The following PTPRD variants were observed in gnomAD, a reference collection of about 807,000 sequenced individuals.
PTPRD encodes protein tyrosine phosphatase receptor type D, also known as receptor-type tyrosine-protein phosphatase delta.
PTPRD carries 34 observed loss-of-function variants against 214.5 expected under a neutral mutation model. The ratio of observed to expected loss-of-function variants is 0.16; its 90% CI spans 0.12 to 0.21. The LOEUF (loss-of-function observed/expected upper bound fraction) is 0.21. Among genes scored for constraint, PTPRD ranks in the 10% least tolerant of loss-of-function variants. The pLI is 1.00. For synonymous variants in PTPRD, 1,128 were observed against 845.7 expected (o/e 1.33, Z -5.79); for missense variants, 2,545 against 2,398.7 (o/e 1.06, Z -1.27).
At chr9:9,085,558 C>CTA (rs2099765871) in intron 10 of PTPRD, among the ~76,000 whole-genome samples, 1 of 151,910 alleles carries the variant, frequency 6.6e-6, no homozygotes, top group Admixed American at 6.6e-5. Context: ...TTTTTTCCCT[C>CTA]TTATAAATAG....
chr9:8,429,322 G>A (rs1292223902), intron 35 of PTPRD, among the ~76,000 whole-genome samples: 1 of 151,822 alleles, frequency 6.6e-6, no homozygotes, highest in Non-Finnish European at 1.5e-5. Flanking sequence ...TGTGACCTTG[G>A]GTAAGTCACT....
intron 12 of PTPRD, among the ~76,000 whole-genome samples, chr9:8,718,779 C>T (rs866721922): frequency 2.4e-4 from 37 of 152,272 alleles, no homozygotes; most frequent in African/African-American, 2.6e-4. Flanking sequence ...AATTTTCCCA[C>T]GTGAGCCAGG....
intron 14 of PTPRD, among the ~76,000 whole-genome samples, chr9:8,581,809 G>T (rs1469116518): frequency 6.7e-6 from 1 of 148,818 alleles, no homozygotes; most frequent in Non-Finnish European, 1.5e-5. Context: ...GTGAGGGGAG[G>T]GAAGGGCCCG....
intron 27 of PTPRD, among the ~76,000 whole-genome samples, chr9:8,490,430 T>C (rs141115132): frequency 5.9e-5 from 9 of 152,304 alleles, no homozygotes; most frequent in Admixed American, 5.9e-4. Context: ...TTTAAACTAG[T>C]ACCAACGCAA....
intron 12 of PTPRD, among the ~76,000 whole-genome samples, chr9:8,703,067 G>C (rs996365506): frequency 6.6e-6 from 1 of 152,098 alleles, no homozygotes; most frequent in African/African-American, 2.4e-5. Flanking sequence ...ACCATAAAAG[G>C]GTTCCATCAA....
intron 2 of PTPRD, among the ~76,000 whole-genome samples, chr9:10,586,876 T>G (rs1341202): frequency 0.18 from 26,620 of 151,856 alleles, 2,682 homozygotes; most frequent in South Asian, 0.25. Flanking sequence ...TTTCCTTTGT[T>G]TTTTAACCCC....
intron 5 of PTPRD, among the ~76,000 whole-genome samples, chr9:9,883,918 A>G (rs2069765205): frequency 6.6e-6 from 1 of 152,144 alleles, no homozygotes; most frequent in African/African-American, 2.4e-5. Flanking sequence ...AGCTCCTGGA[A>G]AGTCAAGCTG....
At chr9:9,562,111 T>C (rs2083124590) in intron 8 of PTPRD, among the ~76,000 whole-genome samples, 2 of 152,184 alleles carry the variant, frequency 1.3e-5, no homozygotes, top group Non-Finnish European at 1.5e-5. Flanking sequence ...GTGTCCCCCA[T>C]ATCTGTTTTC....
At chr9:9,499,177 G>A (rs544777976) in intron 8 of PTPRD, among the ~76,000 whole-genome samples, 65 of 152,210 alleles carry the variant, frequency 4.3e-4, no homozygotes, top group Middle Eastern at 3.4e-3. Flanking sequence ...CATTCAGATA[G>A]TAGAATATAT....
chr9:10,512,163 T>A (rs1033472648), intron 2 of PTPRD, among the ~76,000 whole-genome samples: 2 of 115,018 alleles, frequency 1.7e-5, no homozygotes, highest in Non-Finnish European at 3.5e-5. Context: ...GAAGATAGGC[T>A]GTTAGATGTA....
chr9:9,230,270 G>A (rs2099962279), intron 9 of PTPRD, among the ~76,000 whole-genome samples: 1 of 152,114 alleles, frequency 6.6e-6, no homozygotes, highest in African/African-American at 2.4e-5. Flanking sequence ...AGGTAGGTAG[G>A]AGAAAAGATT....
At chr9:9,160,420 T>G (rs1226213558) in intron 10 of PTPRD, among the ~76,000 whole-genome samples, 1 of 152,054 alleles carries the variant, frequency 6.6e-6, no homozygotes, top group Non-Finnish European at 1.5e-5. Flanking sequence ...AGCCAACAGG[T>G]ACATTTAAAA....
intron 30 of PTPRD, among the ~76,000 whole-genome samples, chr9:8,476,257 C>G (rs1039237656): frequency 6.6e-6 from 1 of 152,178 alleles, no homozygotes. Flanking sequence ...AGCCGGCAAC[C>G]TAAATCCCTC....
intron 2 of PTPRD, among the ~76,000 whole-genome samples, chr9:10,519,410 A>G (rs1386700818): frequency 2.6e-5 from 4 of 152,138 alleles, no homozygotes; most frequent in Admixed American, 1.3e-4. Context: ...AACACATTAC[A>G]AAAATAACAT....
chr9:8,464,821 TCTC>T (rs1209151300), intron 32 of PTPRD, among the ~76,000 whole-genome samples: 1 of 144,018 alleles, frequency 6.9e-6, no homozygotes, highest in Admixed American at 6.8e-5. Flanking sequence ...TTAGGAATTC[TCTC>T]TTTTATTAAA....
chr9:9,892,217 A>G (rs968013279), intron 5 of PTPRD, among the ~76,000 whole-genome samples: 6 of 152,112 alleles, frequency 3.9e-5, no homozygotes, highest in Non-Finnish European at 5.9e-5. Flanking sequence ...TAGGAAGAAA[A>G]GTAATAAAGG....
At chr9:8,320,854 G>A (rs1346166146) in intron 44 of PTPRD, among the ~76,000 whole-genome samples, 3 of 152,108 alleles carry the variant, frequency 2.0e-5, no homozygotes, top group Non-Finnish European at 2.9e-5. Context: ...GCAATGGGAA[G>A]TTCAGATAAT....
At chr9:8,525,892 C>A (rs961309439) in intron 17 of PTPRD, among the ~76,000 whole-genome samples, 2 of 151,790 alleles carry the variant, frequency 1.3e-5, no homozygotes, top group Non-Finnish European at 2.9e-5. Context: ...ACCAGCAATA[C>A]CACATACCAC....
chr9:8,652,986 C>G (rs985514090), intron 12 of PTPRD, among the ~76,000 whole-genome samples: 1 of 152,136 alleles, frequency 6.6e-6, no homozygotes, highest in Non-Finnish European at 1.5e-5. Flanking sequence ...TTCCCTCCAT[C>G]TTTATATAAC....
Sources: gnomAD v4.1 joint callset for allele counts (sites outside exome capture counted in the v4.1 genomes callset) on GRCh38, gnomAD v4.1.1 for gene constraint, MANE v1.5 for transcripts, NCBI Gene and HGNC (gene_info 2026-07-23, HGNC 2026-07-21) for gene names.